SHISA6: variants seen among roughly 807,000 people sequenced by gnomAD.
SHISA6 encodes the protein shisa family member 6, also known as protein shisa-6.
SHISA6 carries 22 observed loss-of-function variants against 47.9 expected under a neutral mutation model. The ratio of observed to expected loss-of-function variants is 0.46; its 90% CI spans 0.33 to 0.66. The LOEUF (loss-of-function observed/expected upper bound fraction) is 0.66, where lower values mean the gene tolerates loss of function less well. Ranked by LOEUF, SHISA6 falls within the 30% of genes least tolerant of loss-of-function variation. SHISA6 has a pLI of 0.02. For missense variants in SHISA6, 680 were observed against 764.6 expected, an observed-to-expected ratio of 0.89 and a Z score of 1.30; for synonymous variants, 388 against 337.8, an observed-to-expected ratio of 1.15 and a Z score of -1.63.
chr17:11,321,871 ATTT>A (rs1006545695), intron 2 of SHISA6, among the ~76,000 whole-genome samples: 2 of 151,222 alleles, frequency 1.3e-5, no homozygotes, highest in African/African-American at 2.4e-5. Context: ...GTTTTTTGTA[ATTT>A]TTTTTTCAGC....
intron 2 of SHISA6, among the ~76,000 whole-genome samples, chr17:11,362,483 G>A (rs1225938993): frequency 1.3e-5 from 2 of 152,150 alleles, no homozygotes; most frequent in Non-Finnish European, 2.9e-5. Flanking sequence ...CCTGCTTTCT[G>A]ATGCTTCTAC....
intron 2 of SHISA6, among the ~76,000 whole-genome samples, chr17:11,265,149 T>G (rs375497295): frequency 1.6e-4 from 24 of 152,346 alleles, no homozygotes; most frequent in East Asian, 1.5e-3. Flanking sequence ...TGCTGATGCC[T>G]GGGCTCCACA....
chr17:11,388,130 A>G (rs1178629168), intron 3 of SHISA6, among the ~76,000 whole-genome samples: 1 of 152,190 alleles, frequency 6.6e-6, no homozygotes, highest in African/African-American at 2.4e-5. Context: ...CATTTGACTA[A>G]TAGAACCCTG....
rs566735047 is a variant in SHISA6, at chr17:11,555,614, C to G, written c.953-126C>G. Reference sequence around the variant, plus strand: ...ATGAGGGAAACTGAGTCAATAGTATCACCTATGTCCAAGCACAGAGGTCCA... The same window carrying G: ...ATGAGGGAAACTGAGTCAATAGTATGACCTATGTCCAAGCACAGAGGTCCA... On this transcript the variant is annotated intron_variant, in intron 4 of 5. Coordinates refer to ENST00000441885, the MANE Select transcript of SHISA6 (RefSeq NM_207386.4). 330 of 1,082,662 alleles carry G rather than the reference C, an allele frequency of 3.0e-4. 4 individuals carry two copies. In the South Asian group the frequency reaches 4.2e-3, roughly 14 times the overall value. 67.1% of individuals were successfully genotyped at this position (1,082,662 alleles called of 1,614,324 possible). A position where few individuals can be genotyped will look rare whatever the true frequency, so the allele number is the denominator to read the frequency against.
chr17:11,278,395 C>A (rs1368676308), intron 2 of SHISA6, among the ~76,000 whole-genome samples: 1 of 152,230 alleles, frequency 6.6e-6, no homozygotes, highest in Non-Finnish European at 1.5e-5. Context: ...CTTTGGGTCC[C>A]TGCACCTGCA....
intron 3 of SHISA6, among the ~76,000 whole-genome samples, chr17:11,481,360 G>GTATATATATATATA (rs1346846568): frequency 2.7e-5 from 3 of 111,578 alleles, no homozygotes; most frequent in African/African-American, 1.1e-4. Context: ...GTGTGTGTGT[G>GTATATATATATATA]TGTGTGTATA....
At chr17:11,303,833 TGGGGATG>T (rs1413550902) in intron 2 of SHISA6, among the ~76,000 whole-genome samples, 1 of 152,156 alleles carries the variant, frequency 6.6e-6, no homozygotes, top group East Asian at 1.9e-4. Context: ...GGGGTAAATG[TGGGGATG>T]GGGACATGCC....
At chr17:11,373,348 A>G (rs187953476) in intron 2 of SHISA6, among the ~76,000 whole-genome samples, 181 of 152,112 alleles carry the variant, frequency 1.2e-3, no homozygotes, top group African/African-American at 4.3e-3. Context: ...CAATCAGTCT[A>G]TCCATCTGTC....
At chr17:11,257,458 C>T (rs936433070) in intron 1 of SHISA6, among the ~76,000 whole-genome samples, 2 of 151,744 alleles carry the variant, frequency 1.3e-5, no homozygotes, top group African/African-American at 4.8e-5. Context: ...TTTCGGAGTC[C>T]GAGACCAGCC....
intron 3 of SHISA6, among the ~76,000 whole-genome samples, chr17:11,447,342 C>T (rs555583596): frequency 1.4e-5 from 2 of 147,638 alleles, no homozygotes; most frequent in African/African-American, 2.4e-5. Flanking sequence ...AGGCTATTGT[C>T]GAGTTCCCAA....
chr17:11,293,532 A>G (rs1459286989), intron 2 of SHISA6, among the ~76,000 whole-genome samples: 2 of 152,272 alleles, frequency 1.3e-5, no homozygotes, highest in African/African-American at 4.8e-5. Flanking sequence ...GAGCCTGGGC[A>G]TCCTCGGAAG....
At chr17:11,406,782 G>T (rs1913977469) in intron 3 of SHISA6, among the ~76,000 whole-genome samples, 1 of 152,094 alleles carries the variant, frequency 6.6e-6, no homozygotes, top group African/African-American at 2.4e-5. Flanking sequence ...AAAATGTACA[G>T]AAACTGATCT....
At chr17:11,277,423 G>A (rs1199483484) in intron 2 of SHISA6, among the ~76,000 whole-genome samples, 1 of 151,838 alleles carries the variant, frequency 6.6e-6, no homozygotes, top group Non-Finnish European at 1.5e-5. Flanking sequence ...ATGATGCATT[G>A]GACTGTAAGT....
At chr17:11,520,234 A>G (rs1165903430) in intron 3 of SHISA6, among the ~76,000 whole-genome samples, 1 of 152,048 alleles carries the variant, frequency 6.6e-6, no homozygotes, top group Non-Finnish European at 1.5e-5. Context: ...CTGACTTTAC[A>G]TTCCCCACCT....
rs1043801847 is a variant in SHISA6, at chr17:11,291,753, G to A, written c.799+28227G>A. On this transcript the variant is annotated intron_variant, in intron 2 of 5. Transcript: ENST00000441885. ...GGGTTTCTTCTGAGGCCTCTCTCCCGGACTTGTAGGTGGCCGCCTTCTCCC... is the reference window on the plus strand; with the variant it reads ...GGGTTTCTTCTGAGGCCTCTCTCCCAGACTTGTAGGTGGCCGCCTTCTCCC... Among the ~76,000 whole-genome samples the A allele has an allele frequency of 2.6e-5, 4 of 152,032 alleles. 1 individual carries two copies. The highest frequency in any genetic ancestry group is 4.8e-5 in the African/African-American group (2 of 41,400).
intron 2 of SHISA6, among the ~76,000 whole-genome samples, chr17:11,379,141 G>T (rs1283098455): frequency 4.8e-5 from 7 of 146,410 alleles, no homozygotes; most frequent in Non-Finnish European, 1.0e-4. Context: ...ATATATATAA[G>T]TATATATACT....
chr17:11,397,856 C>T (rs1474807822), intron 3 of SHISA6, among the ~76,000 whole-genome samples: 1 of 151,998 alleles, frequency 6.6e-6, no homozygotes, highest in Non-Finnish European at 1.5e-5. Context: ...TTTTTTCATA[C>T]GTACCTTAGT....
At chr17:11,388,816 ATATATATATATATATATATATATAT>A (rs1567592127) in intron 3 of SHISA6, among the ~76,000 whole-genome samples, 1 of 100,382 alleles carries the variant, frequency 1.0e-5, no homozygotes, top group African/African-American at 4.2e-5. Flanking sequence ...ATATATATAT[ATATATATATATATATATATATATAT>A]TTTAAAAAAG....
chr17:11,409,529 T>G (rs1914057844), intron 3 of SHISA6, among the ~76,000 whole-genome samples: 1 of 151,546 alleles, frequency 6.6e-6, no homozygotes, highest in Non-Finnish European at 1.5e-5. Flanking sequence ...TATGGTGAAA[T>G]CCTGTCTCTA....
Sources: allele counts gnomAD v4.1 joint callset (sites outside exome capture counted in the v4.1 genomes callset), GRCh38; gene constraint gnomAD v4.1.1; transcripts MANE v1.5; gene names NCBI Gene and HGNC (gene_info 2026-07-23, HGNC 2026-07-21).